Variants in NSMCE2 observed in about 807,000 individuals in gnomAD.
The protein encoded by NSMCE2 is NSE2 SUMO ligase component of SMC5/6 complex.
A neutral mutation model predicts 23.8 loss-of-function variants in NSMCE2; 24 were observed. The ratio of observed to expected loss-of-function variants is 1.01; its 90% CI spans 0.73 to 1.42. The LOEUF is 1.42. Among genes scored for constraint, NSMCE2 ranks in the 40% most tolerant of loss-of-function variants. The probability of loss-of-function intolerance (pLI) is 0.00; values close to 1 mark genes in which losing one functional copy is unlikely to be tolerated. For synonymous variants in NSMCE2, 92 were observed against 94.1 expected (o/e 0.98, Z 0.13); for missense variants, 284 against 296.5 (o/e 0.96, Z 0.31).
intron 3 of NSMCE2, among the ~76,000 whole-genome samples, chr8:125,113,697 A>G (rs1403738268): frequency 2.0e-5 from 3 of 152,210 alleles, no homozygotes; most frequent in East Asian, 3.9e-4. Context: ...TGAAATTCAT[A>G]ATTCATTTCC....
chr8:125,341,827 C>G (rs1262697392), intron 5 of NSMCE2, among the ~76,000 whole-genome samples: 1 of 141,198 alleles, frequency 7.1e-6, no homozygotes, highest in Non-Finnish European at 1.5e-5. Context: ...GTGGGCAGAA[C>G]CAACTTGAAG....
rs71295847 is a variant in NSMCE2, at chr8:125,333,505, C to CTTTTTT, written c.419-23692_419-23687dup. 1.8e-4 allele frequency among the ~76,000 whole-genome samples: 8 copies of CTTTTTT among 45,628 alleles called. 2 individuals are homozygous for CTTTTTT. The highest frequency in any genetic ancestry group is 5.7e-4 in the African/African-American group (6 of 10,594). The allele number at this position is 45,628 out of a possible 152,430, so 29.9% of individuals were successfully genotyped here. On this transcript the variant is annotated intron_variant, in intron 5 of 7. Transcript: ENST00000287437. ...TTCTAATGTAGTTTTCCTGGTGGTT[C>CTTTTTT]TTTTTTTTTTTTTTTTTTTTTTTTT...
At chr8:125,176,849 C>T (rs999185658) in intron 4 of NSMCE2, among the ~76,000 whole-genome samples, 2 of 152,228 alleles carry the variant, frequency 1.3e-5, no homozygotes, top group Non-Finnish European at 2.9e-5. Context: ...CAGCTTTCCT[C>T]TTACCTGGGA....
chr8:125,305,730 C>T (rs1471273136), intron 5 of NSMCE2, among the ~76,000 whole-genome samples: 6 of 152,164 alleles, frequency 3.9e-5, no homozygotes, highest in South Asian at 2.1e-4. Flanking sequence ...AGTTTAGAAA[C>T]GCTCATATAC....
intron 3 of NSMCE2, among the ~76,000 whole-genome samples, chr8:125,125,822 G>T (rs968900779): frequency 2.0e-5 from 3 of 152,186 alleles, no homozygotes; most frequent in African/African-American, 7.2e-5. Flanking sequence ...AACAGTGTGA[G>T]TATCATAGTT....
At chr8:125,096,051 G>A (rs1268027545) in intron 1 of NSMCE2, among the ~76,000 whole-genome samples, 4 of 152,184 alleles carry the variant, frequency 2.6e-5, no homozygotes, top group Non-Finnish European at 5.9e-5. Flanking sequence ...CCTGATAGGT[G>A]AGTAGTTTTC....
At chr8:125,117,618 G>A (rs1018435806) in intron 3 of NSMCE2, among the ~76,000 whole-genome samples, 1 of 151,820 alleles carries the variant, frequency 6.6e-6, no homozygotes, top group African/African-American at 2.4e-5. Context: ...TGGCTCAAAT[G>A]ATTCTCCCAA....
chr8:125,334,488 G>A (rs1450390401), intron 5 of NSMCE2, among the ~76,000 whole-genome samples: 1 of 152,138 alleles, frequency 6.6e-6, no homozygotes, highest in Non-Finnish European at 1.5e-5. Context: ...TGGCTTAGAG[G>A]ACCGAAGTGC....
chr8:125,297,620 C>G (rs185756842), intron 5 of NSMCE2, among the ~76,000 whole-genome samples: 332 of 150,966 alleles, frequency 2.2e-3, no homozygotes, highest in African/African-American at 7.7e-3. Flanking sequence ...CAGTTAAAGC[C>G]AGCAGTTCGA....
At chr8:125,142,027 A>AT (rs1339956919) in intron 3 of NSMCE2, among the ~76,000 whole-genome samples, 2 of 152,144 alleles carry the variant, frequency 1.3e-5, no homozygotes, top group African/African-American at 4.8e-5. Flanking sequence ...GTAAAAAACA[A>AT]CCTAGAGAGC....
intron 3 of NSMCE2, among the ~76,000 whole-genome samples, chr8:125,146,036 A>G (rs1214692922): frequency 2.0e-5 from 3 of 152,200 alleles, no homozygotes; most frequent in Non-Finnish European, 2.9e-5. Flanking sequence ...TTTTGTTATC[A>G]GATTTCTTAA....
chr8:125,231,363 T>A (rs1825315422), intron 5 of NSMCE2, among the ~76,000 whole-genome samples: 1 of 152,182 alleles, frequency 6.6e-6, no homozygotes, highest in South Asian at 2.1e-4. Flanking sequence ...TCCTTTTTAT[T>A]TGGCCAGTGT....
chr8:125,330,109 G>A (rs547484206), intron 5 of NSMCE2, among the ~76,000 whole-genome samples: 7 of 152,002 alleles, frequency 4.6e-5, no homozygotes, highest in South Asian at 2.1e-4. Context: ...GGGGCACGTC[G>A]CTTTCAGAAG....
At chr8:125,310,936 A>T (rs890016902) in intron 5 of NSMCE2, among the ~76,000 whole-genome samples, 2 of 152,244 alleles carry the variant, frequency 1.3e-5, no homozygotes, top group Non-Finnish European at 2.9e-5. Flanking sequence ...TGGTTTATTG[A>T]TGAATATATT....
intron 5 of NSMCE2, among the ~76,000 whole-genome samples, chr8:125,318,138 G>C (rs1829279981): frequency 6.6e-6 from 1 of 152,240 alleles, no homozygotes. Context: ...GCCGGGTATA[G>C]TGGCACACGC....
intron 5 of NSMCE2, among the ~76,000 whole-genome samples, chr8:125,287,448 A>G (rs567611464): frequency 1.3e-5 from 2 of 152,316 alleles, no homozygotes; most frequent in South Asian, 4.1e-4. Flanking sequence ...ACAGATGCCT[A>G]TCCTTGGGAC....
intron 5 of NSMCE2, among the ~76,000 whole-genome samples, chr8:125,266,093 T>TC (rs1826900666): frequency 2.5e-5 from 1 of 39,464 alleles, no homozygotes; most frequent in Admixed American, 3.5e-4. Context: ...AAATTTTTTC[T>TC]TTTTTTTTTT....
chr8:125,277,446 AC>A (rs1827499037), intron 5 of NSMCE2, among the ~76,000 whole-genome samples: 1 of 152,210 alleles, frequency 6.6e-6, no homozygotes, highest in Non-Finnish European at 1.5e-5. Flanking sequence ...ACAAAAAGGC[AC>A]AGGATTGAAT....
chr8:125,127,663 A>G (rs181931740), intron 3 of NSMCE2, among the ~76,000 whole-genome samples: 35 of 152,154 alleles, frequency 2.3e-4, no homozygotes, highest in African/African-American at 8.4e-4. Flanking sequence ...TATCTGCCTT[A>G]TCTTTGTTTT....
Sources: gnomAD v4.1 joint callset for allele counts (sites outside exome capture counted in the v4.1 genomes callset) on GRCh38, gnomAD v4.1.1 for gene constraint, MANE v1.5 for transcripts, NCBI Gene and HGNC (gene_info 2026-07-23, HGNC 2026-07-21) for gene names.